Variants in ALK observed in about 807,000 individuals in gnomAD.
ALK encodes the protein ALK receptor tyrosine kinase.
A neutral mutation model predicts 163.1 loss-of-function variants in ALK; 74 were observed. The ratio of observed to expected loss-of-function variants is 0.45; its 90% CI spans 0.38 to 0.55. The LOEUF (loss-of-function observed/expected upper bound fraction) is 0.55. ALK is among the 20% of genes least tolerant of loss of function. The pLI is 0.00. For missense variants in ALK, 2,063 were observed against 2,105.3 expected, an observed-to-expected ratio of 0.98 and a Z score of 0.39; for synonymous variants, 960 against 843.2, an observed-to-expected ratio of 1.14 and a Z score of -2.40.
intron 4 of ALK, among the ~76,000 whole-genome samples, chr2:29,409,115 AG>A (rs1669665547): frequency 6.6e-6 from 1 of 152,206 alleles, no homozygotes; most frequent in Non-Finnish European, 1.5e-5. Flanking sequence ...GGAGAGACAC[AG>A]ATGGGCGAAT....
intron 19 of ALK, 34 bp downstream of exon 19, chr2:29,225,427 C>T (rs1197934741): frequency 6.4e-7 from 1 of 1,564,704 alleles, no homozygotes; most frequent in African/African-American, 1.4e-5. Context: ...GCCTTCCTGC[C>T]CCCTTGGGAG....
At chr2:29,857,433 A>T (rs1465410372) in intron 1 of ALK, among the ~76,000 whole-genome samples, 1 of 152,170 alleles carries the variant, frequency 6.6e-6, no homozygotes, top group Non-Finnish European at 1.5e-5. Context: ...AACCAATGAG[A>T]TGATCCAGCT....
intron 5 of ALK, among the ~76,000 whole-genome samples, chr2:29,358,441 G>C (rs1019358065): frequency 2.7e-4 from 41 of 152,180 alleles, no homozygotes; most frequent in African/African-American, 9.6e-4. Context: ...GCCTCACACA[G>C]AGTGTTAGTG....
chr2:29,783,421 T>C (rs1335481450), intron 1 of ALK, among the ~76,000 whole-genome samples: 3 of 152,110 alleles, frequency 2.0e-5, no homozygotes, highest in Non-Finnish European at 4.4e-5. Context: ...TACAGACCCA[T>C]AAAGAGCAAA....
chr2:29,875,002 C>T (rs989153615), intron 1 of ALK, among the ~76,000 whole-genome samples: 6 of 152,132 alleles, frequency 3.9e-5, no homozygotes, highest in Non-Finnish European at 8.8e-5. Flanking sequence ...GCATGTGATC[C>T]GGCAATTCCA....
chr2:29,391,582 C>T (rs1339004994), intron 4 of ALK, among the ~76,000 whole-genome samples: 1 of 152,174 alleles, frequency 6.6e-6, no homozygotes, highest in Admixed American at 6.5e-5. Flanking sequence ...TTTGGGGTTA[C>T]AGCCATGAGC....
intron 1 of ALK, among the ~76,000 whole-genome samples, chr2:29,854,690 T>C (rs1376278049): frequency 6.6e-6 from 1 of 152,198 alleles, no homozygotes; most frequent in Non-Finnish European, 1.5e-5. Flanking sequence ...TTAACCATCC[T>C]GGGGTGAAGG....
At chr2:29,440,699 C>T (rs1403973279) in intron 4 of ALK, among the ~76,000 whole-genome samples, 3 of 152,216 alleles carry the variant, frequency 2.0e-5, no homozygotes, top group Non-Finnish European at 4.4e-5. Context: ...ATCATTTGAC[C>T]TTCAAGGGCA....
chr2:29,598,670 C>T (rs943605646), intron 3 of ALK, among the ~76,000 whole-genome samples: 8 of 151,902 alleles, frequency 5.3e-5, no homozygotes, highest in African/African-American at 1.9e-4. Context: ...AGAATATATA[C>T]TATAATGTAT....
At chr2:29,584,361 A>C (rs763899256) in intron 3 of ALK, among the ~76,000 whole-genome samples, 3 of 152,226 alleles carry the variant, frequency 2.0e-5, no homozygotes, top group Non-Finnish European at 4.4e-5. Context: ...TGGTTGGTTC[A>C]TCTGGATCTT....
intron 4 of ALK, among the ~76,000 whole-genome samples, chr2:29,398,714 C>A (rs1267093748): frequency 6.6e-6 from 1 of 152,072 alleles, no homozygotes; most frequent in Non-Finnish European, 1.5e-5. Context: ...CAGTTTCCAG[C>A]ATTCTCCGAG....
intron 4 of ALK, among the ~76,000 whole-genome samples, chr2:29,494,098 G>C (rs1461968451): frequency 6.6e-6 from 1 of 152,212 alleles, no homozygotes; most frequent in African/African-American, 2.4e-5. Context: ...CAATGTGATG[G>C]GAGGCTTAGA....
In ALK at chr2:29,853,913, CT is replaced by C. The variant is rs67087505; in HGVS notation, c.667+66079del. ...AAGAAAGTTTTCTTTCTTTTCTTTT[CT>C]TTTTTTTTTTCCTGAGACAGAGTCT... On this transcript the variant is annotated intron_variant, in intron 1 of 28. Transcript: ENST00000389048. 1.8e-3 allele frequency among the ~76,000 whole-genome samples: 252 copies of C among 140,648 alleles called. 1 individual carries two copies. Among genetic ancestry groups the C allele is most frequent in the Admixed American group, 4.1e-3 (60 of 14,488 alleles). The allele number at this position is 140,648 out of a possible 152,430, so 92.3% of individuals were successfully genotyped here. A position where few individuals can be genotyped will look rare whatever the true frequency, so the allele number is the denominator to read the frequency against.
intron 4 of ALK, among the ~76,000 whole-genome samples, chr2:29,460,304 T>C (rs1167611438): frequency 6.6e-6 from 1 of 152,202 alleles, no homozygotes; most frequent in Admixed American, 6.5e-5. Flanking sequence ...ATGTAAGGCA[T>C]TGTAGATACA....
intron 1 of ALK, among the ~76,000 whole-genome samples, chr2:29,850,163 C>T (rs1358682054): frequency 1.3e-5 from 2 of 152,174 alleles, no homozygotes; most frequent in East Asian, 1.9e-4. Context: ...ATGAATCAAT[C>T]TACAACTACA....
intron 3 of ALK, among the ~76,000 whole-genome samples, chr2:29,692,795 A>T (rs1394247323): frequency 6.6e-6 from 1 of 152,230 alleles, no homozygotes; most frequent in Non-Finnish European, 1.5e-5. Flanking sequence ...ATGTACAAAA[A>T]TGTTTACAAT....
chr2:29,487,343 A>G (rs1573394827), intron 4 of ALK, among the ~76,000 whole-genome samples: 1 of 152,078 alleles, frequency 6.6e-6, no homozygotes, highest in African/African-American at 2.4e-5. Flanking sequence ...GAACCCCCAT[A>G]CCCCCAGACA....
intron 4 of ALK, among the ~76,000 whole-genome samples, chr2:29,388,985 T>A (rs1669096479): frequency 6.6e-6 from 1 of 152,206 alleles, no homozygotes; most frequent in South Asian, 2.1e-4. Flanking sequence ...TCCATCTCAC[T>A]TAGAGTAAAA....
rs193074357 is a variant in ALK at position 29,837,942 on chromosome 2, T to A, written c.667+82051A>T. ...TGACTTTAAAATAGGTATTGTAAGTTGTTCATATATTTAAGGGAAAATATG... is the reference window on the plus strand; with the variant it reads ...TGACTTTAAAATAGGTATTGTAAGTAGTTCATATATTTAAGGGAAAATATG... On this transcript the variant is annotated intron_variant, in intron 1 of 28. Transcript: ENST00000389048. 2.0e-5 allele frequency among the ~76,000 whole-genome samples: 3 copies of A among 152,294 alleles called. No homozygotes were observed. The East Asian group carries it at 5.8e-4, about 29-fold the overall frequency.
Sources: allele counts gnomAD v4.1 joint callset (sites outside exome capture counted in the v4.1 genomes callset), GRCh38; gene constraint gnomAD v4.1.1; transcripts MANE v1.5; gene names NCBI Gene and HGNC (gene_info 2026-07-23, HGNC 2026-07-21).